AHDC1: variants seen among roughly 807,000 people sequenced by gnomAD.
AHDC1 encodes the protein transcription factor Gibbin.
A neutral mutation model predicts 87.9 loss-of-function variants in AHDC1; 7 were observed. The observed-to-expected ratio is 0.08, with a 90% CI of 0.05 to 0.15. The LOEUF (loss-of-function observed/expected upper bound fraction) is 0.15. Among genes scored for constraint, AHDC1 ranks in the 10% least tolerant of loss-of-function variants. The pLI, the probability that AHDC1 is intolerant of heterozygous loss-of-function variation, is 1.00. For missense variants in AHDC1, 1,841 were observed against 2,253.2 expected (o/e 0.82, Z 3.70); for synonymous variants, 1,051 against 1,006.8 (o/e 1.04, Z -0.83).
In AHDC1 at chr1:27,590,741, GAGTCAGAGGCAAAATCC is replaced by G. The variant is rs1351434416; in HGVS notation, c.-629+12639_-629+12655del. ...AGCCCTCCGCCCTACTCATCACAAT[GAGTCAGAGGCAAAATCC>G]AGTCATCTGGACTTGTCTTAATGCT... On this transcript the variant is annotated intron_variant, in intron 3 of 8. Transcript: ENST00000673934. The surrounding 1 kb of genome is among the most constrained non-coding windows in gnomAD (Gnocchi z 5.4). Among the ~76,000 whole-genome samples the G allele has an allele frequency of 6.6e-6, 1 of 152,188 alleles. No individual in the cohort carries two copies. The highest frequency in any genetic ancestry group is 2.4e-5 in the African/African-American group (1 of 41,444).
chr1:27,603,318 C>T (rs896962758), intron 3 of AHDC1, 79 bp downstream of exon 3: 2 of 152,182 alleles, frequency 1.3e-5, no homozygotes, highest in Admixed American at 6.5e-5. Flanking sequence ...GACGCAGGCC[C>T]CCCCCGTGCG....
chr1:27,549,409 T>G lies in AHDC1; in HGVS notation c.2707A>C (p.Ser903Arg). ...AKASPVAVGS[S>R]GAGADPSFQP... ...AAGGAGGGGTCCGCCCCAGCCCCGC[T>G]GCTACCCACTGCCACTGGGCTGGCC... The change falls in exon 8 of 9, where the codon AGC becomes CGC. Residue 903 changes from serine (S) to arginine (R), a missense_variant. Around this residue, in one of 13 missense-constraint regions of AHDC1, gnomAD observed 378 missense variants for 399.0 expected, o/e 0.95. Transcript: ENST00000673934. The G allele has an allele frequency of 6.2e-7, 1 of 1,612,882 alleles. No individual in the cohort carries two copies. Among genetic ancestry groups the G allele is most frequent in the Non-Finnish European group, 8.5e-7 (1 of 1,179,832 alleles).
rs564432064 is a variant in AHDC1, at chr1:27,559,622, T to C, written c.-628-739A>G. On this transcript the variant is annotated intron_variant, in intron 3 of 8. Transcript: ENST00000673934. ...CTGGGGAAACTATAATGCAAACAGG[T>C]TACTGACAATGCAGATGTGAGAGGT... 1.8e-4 allele frequency among the ~76,000 whole-genome samples: 28 copies of C among 152,278 alleles called. No individual in the cohort carries two copies. The South Asian group carries it at 5.6e-3, about 30-fold the overall frequency.
chr1:27,570,216 A>T (rs957875467), intron 3 of AHDC1, among the ~76,000 whole-genome samples: 1 of 151,496 alleles, frequency 6.6e-6, no homozygotes, highest in Non-Finnish European at 1.5e-5. Context: ...CCCTGCCGGG[A>T]TCAGATACCT....
chr1:27,547,078 TCTC>T lies in AHDC1; in HGVS notation c.*43+180_*43+182del, dbSNP rs750389400. 2.7e-5 allele frequency among the ~76,000 whole-genome samples: 4 copies of T among 147,862 alleles called. No homozygotes were observed. The highest frequency in any genetic ancestry group is 6.0e-5 in the Non-Finnish European group (4 of 67,206). ...CTGAGTTCCCAGCCCAAGCACCCCATCTCCTCCTGAGACTGTCCGCAACAGCGA... is the reference window on the plus strand; with the variant it reads ...CTGAGTTCCCAGCCCAAGCACCCCATCTCCTGAGACTGTCCGCAACAGCGA... On this transcript the variant is annotated intron_variant, in intron 8 of 8. Coordinates refer to ENST00000673934, the MANE Select transcript of AHDC1 (RefSeq NM_001371928.1). This position sits in a 1 kb window ranked among gnomAD's most constrained non-coding sequence, Gnocchi z 4.9.
intron 8 of AHDC1, among the ~76,000 whole-genome samples, chr1:27,539,942 G>A (rs908224702): frequency 9.2e-5 from 14 of 152,032 alleles, no homozygotes; most frequent in African/African-American, 2.7e-4. Context: ...GTCCTGGGAG[G>A]AGGCTAGCCT....
rs144632882 is a variant in AHDC1 at position 27,595,700 on chromosome 1, C to T, written c.-629+7697G>A. 1.6e-3 allele frequency among the ~76,000 whole-genome samples: 237 copies of T among 151,884 alleles called. 1 individual carries two copies. The highest frequency in any genetic ancestry group is 5.4e-3 in the African/African-American group (225 of 41,340). On this transcript the variant is annotated intron_variant, in intron 3 of 8. Coordinates refer to ENST00000673934, the MANE Select transcript of AHDC1 (RefSeq NM_001371928.1). This position sits in a 1 kb window ranked among gnomAD's most constrained non-coding sequence, Gnocchi z 4.0. ...GTTAGAGACCTGAGGTCCCTCCATA[C>T]GTGGGAAGGGAAGAATGGGTCTCTG... is the stretch of plus-strand genomic sequence containing the variant.
At chr1:27,592,383 C>T (rs550169441) in intron 3 of AHDC1, among the ~76,000 whole-genome samples, 2 of 152,194 alleles carry the variant, frequency 1.3e-5, no homozygotes, top group South Asian at 4.1e-4. Flanking sequence ...CACCTGTCAC[C>T]CACCCAGCCT....
chr1:27,547,878 C>T lies in AHDC1; in HGVS notation c.4238G>A (p.Arg1413Gln), dbSNP rs756159146. 8.4e-6 allele frequency: 13 copies of T among 1,551,900 alleles called. No individual in the cohort carries two copies. Among genetic ancestry groups the T allele is most frequent in the Non-Finnish European group, 9.6e-6 (11 of 1,146,106 alleles). Reference protein sequence around the residue: ...SPTLGFKEELRPPPTKLAACE... With the variant: ...SPTLGFKEELQPPPTKLAACE... ...GGCAGCCAGCTTTGTGGGCGGTGGC[C>T]GCAGCTCTTCCTTGAAGCCCAGTGT... The change falls in exon 8 of 9, where the codon CGG becomes CAG. Residue 1413 changes from arginine to glutamine, a missense_variant. Coordinates refer to ENST00000673934, the MANE Select transcript of AHDC1 (RefSeq NM_001371928.1). The surrounding 1 kb of genome is among the most constrained non-coding windows in gnomAD (Gnocchi z 4.9).
At chr1:27,535,825 C>T (rs1432961524) in intron 8 of AHDC1, among the ~76,000 whole-genome samples, 2 of 152,126 alleles carry the variant, frequency 1.3e-5, no homozygotes, top group African/African-American at 2.4e-5. Flanking sequence ...CCCTGGGGAT[C>T]TGACTTCCCT....
rs1234134534 is a variant in AHDC1 at position 27,590,819 on chromosome 1, T to C, written c.-629+12578A>G. ...AGTGGCTGCAGCTCTTTCTTTCTCG[T>C]GGGAGGGTGCAATTTCCGGAGGGGA... On this transcript the variant is annotated intron_variant, in intron 3 of 8. Coordinates refer to ENST00000673934, the MANE Select transcript of AHDC1 (RefSeq NM_001371928.1). The surrounding 1 kb of genome is among the most constrained non-coding windows in gnomAD (Gnocchi z 5.4). Among the ~76,000 whole-genome samples, 1 of 152,088 alleles carries C rather than the reference T, an allele frequency of 6.6e-6. No homozygotes were observed. Among genetic ancestry groups the C allele is most frequent in the Non-Finnish European group, 1.5e-5 (1 of 68,002 alleles).
rs2019522295 is a variant in AHDC1 at position 27,551,012 on chromosome 1, G to A, written c.1104C>T (p.Cys368=). 3 of 1,567,386 alleles carry A rather than the reference G, an allele frequency of 1.9e-6. No individual in the cohort carries two copies. Among genetic ancestry groups the A allele is most frequent in the Non-Finnish European group, 2.6e-6 (3 of 1,162,410 alleles). ...CAGGCCCGGGGGGGCCGTGCGGTGA[G>A]CACAAGTCCAGGCGCAAGGGCTCGG... The part of the protein sequence containing the change: ...PLAEPLRLDL[C]SPHGPPGPEG... The change falls in exon 8 of 9, where the codon TGC becomes TGT. Residue 368 remains cysteine, a synonymous_variant. Transcript: ENST00000673934.
In AHDC1 at chr1:27,547,405, G is replaced by T. The variant is rs763976609; in HGVS notation, c.4711C>A (p.Pro1571Thr). 3 of 1,571,830 alleles carry T rather than the reference G, an allele frequency of 1.9e-6. No individual in the cohort carries two copies. Among genetic ancestry groups the T allele is most frequent in the Non-Finnish European group, 2.6e-6 (3 of 1,155,472 alleles). The change falls in exon 8 of 9, where the codon CCC becomes ACC. Residue 1571 changes from proline to threonine, a missense_variant. Pro to Thr is a conservative substitution (Grantham distance 38). This residue lies in a region of AHDC1 where 505 missense variants were observed against 626.2 expected (regional missense o/e 0.81). Coordinates refer to ENST00000673934, the MANE Select transcript of AHDC1 (RefSeq NM_001371928.1). The surrounding 1 kb of genome is among the most constrained non-coding windows in gnomAD (Gnocchi z 4.9). ...DTAYRYPGFM[P>T]QAHPGLGGGP... ...CCACCCAGGCCAGGATGCGCCTGGG[G>T]CATAAAGCCTGGGTACCTGTAGGCG...
In AHDC1 at chr1:27,551,641, G is replaced by A. The variant is rs752693226; in HGVS notation, c.475C>T (p.Pro159Ser). 3.7e-6 allele frequency: 6 copies of A among 1,613,496 alleles called. No individual in the cohort carries two copies. Among genetic ancestry groups the A allele is most frequent in the Admixed American group, 1.7e-5 (1 of 59,996 alleles). ...GLRLSRPPAP[P>S]PGDLQYSFFS... ...AAGCTGTACTGTAGGTCGCCGGGTG[G>A]CGGTGCAGGCGGGCGGCTCAGTCGG... is the stretch of plus-strand genomic sequence containing the variant. The change falls in exon 8 of 9, where the codon CCA (proline) becomes TCA (serine). Residue 159 changes from proline to serine, a missense_variant. Pro to Ser is a moderately conservative substitution (Grantham distance 74, BLOSUM62 -1). This residue lies in a region of AHDC1 where 50 missense variants were observed against 104.3 expected (regional missense o/e 0.48). Coordinates refer to ENST00000673934, the MANE Select transcript of AHDC1 (RefSeq NM_001371928.1).
chr1:27,568,477 G>A (rs1188561698), intron 3 of AHDC1, among the ~76,000 whole-genome samples: 4 of 152,150 alleles, frequency 2.6e-5, no homozygotes, highest in Non-Finnish European at 5.9e-5. Flanking sequence ...AGACTTGGAA[G>A]GGCGAGGCCT....
chr1:27,561,121 C>T lies in AHDC1; in HGVS notation c.-628-2238G>A, dbSNP rs981153529. On this transcript the variant is annotated intron_variant, in intron 3 of 8. Transcript: ENST00000673934. The surrounding 1 kb of genome is among the most constrained non-coding windows in gnomAD (Gnocchi z 4.2). ...GTTGGGTGGGCACAGAAACACAGCCCGGCAGCTCCCAAGCCCTTGGGGAGC... is the reference window on the plus strand; with the variant it reads ...GTTGGGTGGGCACAGAAACACAGCCTGGCAGCTCCCAAGCCCTTGGGGAGC... 3.3e-5 allele frequency among the ~76,000 whole-genome samples: 5 copies of T among 152,158 alleles called. No individual in the cohort carries two copies. The highest frequency in any genetic ancestry group is 6.5e-5 in the Admixed American group (1 of 15,280).
In AHDC1 at chr1:27,548,043, G is replaced by T; in HGVS notation, c.4073C>A (p.Thr1358Asn). Residue 1358 changes from threonine (T) to asparagine (N), a missense_variant, in exon 8 of 9, where the codon ACC (threonine) becomes AAC (asparagine). Coordinates refer to ENST00000673934, the MANE Select transcript of AHDC1 (RefSeq NM_001371928.1). ...SMNPSTPSDG[T>N]FGQGFHCDSP... ...GTCGCAGTGGAAGCCTTGGCCAAAG[G>T]TGCCATCGGAAGGCGTGGACGGGTT... 1 of 1,612,710 alleles carries T rather than the reference G, an allele frequency of 6.2e-7. No individual in the cohort carries two copies. The highest frequency in any genetic ancestry group is 1.3e-5 in the African/African-American group (1 of 75,038).
At chr1:27,538,665 T>G (rs1221116583) in intron 8 of AHDC1, among the ~76,000 whole-genome samples, 2 of 151,798 alleles carry the variant, frequency 1.3e-5, no homozygotes, top group Non-Finnish European at 2.9e-5. Context: ...CAGGCGCACA[T>G]CACCACACCT....
intron 3 of AHDC1, among the ~76,000 whole-genome samples, chr1:27,596,301 G>A (rs1294796149): frequency 2.0e-5 from 3 of 152,096 alleles, no homozygotes; most frequent in Non-Finnish European, 4.4e-5. Context: ...TCAGATGGTC[G>A]AGGCAGGAGC....
Sources: gnomAD v4.1 joint callset for allele counts (sites outside exome capture counted in the v4.1 genomes callset) on GRCh38, gnomAD v4.1.1 for gene constraint, gnomAD v4.1.1 regional missense constraint, Gnocchi (gnomAD v3.1) non-coding constraint, MANE v1.5 for transcripts, NCBI Gene and HGNC (gene_info 2026-07-23, HGNC 2026-07-21) for gene names.